IGF2BP2: variants seen among roughly 807,000 people sequenced by gnomAD.
The protein encoded by IGF2BP2 is insulin like growth factor 2 mRNA binding protein 2.
IGF2BP2 carries 17 observed loss-of-function variants against 75.8 expected under a neutral mutation model. The ratio of observed to expected loss-of-function variants is 0.22; its 90% CI spans 0.15 to 0.34. IGF2BP2 has a LOEUF of 0.34. Ranked by LOEUF, IGF2BP2 falls within the 10% of genes least tolerant of loss-of-function variation. IGF2BP2 has a pLI of 1.00. For synonymous variants in IGF2BP2, 288 were observed against 295.6 expected, an observed-to-expected ratio of 0.97 and a Z score of 0.26; for missense variants, 516 against 772.4, an observed-to-expected ratio of 0.67 and a Z score of 3.93.
At chr3:185,769,002 G>C (rs1328599219) in intron 2 of IGF2BP2, among the ~76,000 whole-genome samples, 1 of 151,306 alleles carries the variant, frequency 6.6e-6, no homozygotes, top group Non-Finnish European at 1.5e-5. Flanking sequence ...ACTCCAGCCT[G>C]GGCGACAGAG....
intron 10 of IGF2BP2, among the ~76,000 whole-genome samples, chr3:185,658,835 T>C (rs1715917243): frequency 6.6e-6 from 1 of 152,182 alleles, no homozygotes; most frequent in Non-Finnish European, 1.5e-5. Context: ...GAACAGAGTG[T>C]GCTGGACAAT....
Position 185,812,785 on chromosome 3 carries a change from G to A in IGF2BP2, c.239+10368C>T, listed in dbSNP as rs555841880. Among the ~76,000 whole-genome samples the A allele has an allele frequency of 5.3e-5, 8 of 152,220 alleles. No homozygotes were observed. In the East Asian group the frequency reaches 5.8e-4, roughly 11 times the overall value. ...GATTCCCATGTACGTACATCCATTC[G>A]TCCTTCCCATAAATTTGGCATCTCC... On this transcript the variant is annotated intron_variant, in intron 2 of 15. Coordinates refer to ENST00000382199, the MANE Select transcript of IGF2BP2 (RefSeq NM_006548.6).
intron 2 of IGF2BP2, among the ~76,000 whole-genome samples, chr3:185,734,542 T>C (rs1233300772): frequency 6.6e-6 from 1 of 152,236 alleles, no homozygotes; most frequent in African/African-American, 2.4e-5. Flanking sequence ...TTTTGCATTG[T>C]TAAAAACGAG....
In IGF2BP2 at chr3:185,645,288, G is replaced by T; in HGVS notation, c.*243C>A. ...GTGAAGTGGATGGCTGAAGCCTGCA[G>T]AAGCCCTGGGGGGCGGGAGGCGGGG... On this transcript the variant is annotated 3_prime_UTR_variant, in exon 16 of 16. Coordinates refer to ENST00000382199, the MANE Select transcript of IGF2BP2 (RefSeq NM_006548.6). This position sits in a 1 kb window ranked among gnomAD's most constrained non-coding sequence, Gnocchi z 4.9. The T allele has an allele frequency of 5.5e-6, 3 of 545,064 alleles. No homozygotes were observed. The allele number at this position is 545,064 out of a possible 1,614,324, so 33.8% of individuals were successfully genotyped here. A position where few individuals can be genotyped will look rare whatever the true frequency, so the allele number is the denominator to read the frequency against.
chr3:185,727,568 A>C (rs1159930761), intron 2 of IGF2BP2, among the ~76,000 whole-genome samples: 2 of 152,214 alleles, frequency 1.3e-5, no homozygotes, highest in African/African-American at 4.8e-5. Context: ...TTTTGTGAAA[A>C]AGACTTTACT....
chr3:185,729,375 C>A (rs1451417704), intron 2 of IGF2BP2, among the ~76,000 whole-genome samples: 1 of 152,152 alleles, frequency 6.6e-6, no homozygotes, highest in East Asian at 1.9e-4. Flanking sequence ...ATAAAGTCCG[C>A]CTGTCACTGC....
chr3:185,659,797 G>C (rs981922891), intron 10 of IGF2BP2, among the ~76,000 whole-genome samples: 2 of 150,844 alleles, frequency 1.3e-5, no homozygotes, highest in Non-Finnish European at 3.0e-5. Flanking sequence ...TGTCTGATTT[G>C]ATACTTTTTT....
At chr3:185,712,532 C>T (rs1724956905) in intron 2 of IGF2BP2, 1 of 152,084 alleles carries the variant, frequency 6.6e-6, no homozygotes, top group African/African-American at 2.4e-5. Flanking sequence ...GAATTTGAAT[C>T]CCAGCTCTAC....
intron 2 of IGF2BP2, among the ~76,000 whole-genome samples, chr3:185,699,652 T>C (rs1723033447): frequency 6.6e-6 from 1 of 152,228 alleles, no homozygotes. Flanking sequence ...TAGAGAAGTA[T>C]CTGCATATTC....
At chr3:185,722,881 A>T (rs1726773024) in intron 2 of IGF2BP2, among the ~76,000 whole-genome samples, 1 of 152,260 alleles carries the variant, frequency 6.6e-6, no homozygotes, top group Admixed American at 6.5e-5. Context: ...TTATGTAATT[A>T]TAATTGAGTT....
intron 7 of IGF2BP2, among the ~76,000 whole-genome samples, chr3:185,677,019 G>T: frequency 1.6e-5 from 1 of 63,208 alleles, no homozygotes; most frequent in Non-Finnish European, 2.9e-5. Flanking sequence ...TTATATATAT[G>T]GAGAGAGATA....
chr3:185,689,745 G>A lies in IGF2BP2; in HGVS notation c.405-118C>T, dbSNP rs1721671381. On this transcript the variant is annotated intron_variant, in intron 5 of 15. Transcript: ENST00000382199. Reference sequence around the variant, plus strand: ...GCACTTTGGGAGGCCGAGGCGGGTGGATCACGAGGTCAGGAGATCGAGACC... The same window carrying A: ...GCACTTTGGGAGGCCGAGGCGGGTGAATCACGAGGTCAGGAGATCGAGACC... 5 of 1,099,016 alleles carry A rather than the reference G, an allele frequency of 4.5e-6. No individual in the cohort carries two copies. The Admixed American group carries it at 7.8e-5, about 17-fold the overall frequency. The allele number at this position is 1,099,016 out of a possible 1,614,324, so 68.1% of individuals were successfully genotyped here.
intron 2 of IGF2BP2, among the ~76,000 whole-genome samples, chr3:185,730,683 C>G (rs757924995): frequency 6.6e-6 from 1 of 152,120 alleles, no homozygotes; most frequent in Non-Finnish European, 1.5e-5. Context: ...ATCTGCCCAC[C>G]TTGGCTTCCC....
At chr3:185,765,878 G>A (rs904038907) in intron 2 of IGF2BP2, among the ~76,000 whole-genome samples, 2 of 152,210 alleles carry the variant, frequency 1.3e-5, no homozygotes, top group African/African-American at 4.8e-5. Context: ...TTGTCCACAA[G>A]GCAGCAAAGC....
At chr3:185,685,393 G>C (rs1322600457) in intron 7 of IGF2BP2, among the ~76,000 whole-genome samples, 3 of 151,730 alleles carry the variant, frequency 2.0e-5, no homozygotes, top group African/African-American at 7.3e-5. Flanking sequence ...CCAGGAACTT[G>C]GATGAGAAAT....
At chr3:185,811,747 C>A (rs1240389149) in intron 2 of IGF2BP2, among the ~76,000 whole-genome samples, 1 of 151,802 alleles carries the variant, frequency 6.6e-6, no homozygotes, top group Admixed American at 6.6e-5. Context: ...GTGCAAAATA[C>A]GAAACCATGG....
intron 2 of IGF2BP2, among the ~76,000 whole-genome samples, chr3:185,816,336 A>C (rs1030245827): frequency 6.6e-6 from 1 of 152,238 alleles, no homozygotes; most frequent in African/African-American, 2.4e-5. Flanking sequence ...GCAAGCACAG[A>C]GATGGGAAGA....
chr3:185,686,770 T>C (rs1240479219), intron 7 of IGF2BP2, among the ~76,000 whole-genome samples: 4 of 152,154 alleles, frequency 2.6e-5, no homozygotes, highest in Non-Finnish European at 4.4e-5. Flanking sequence ...GAAAGTTCTA[T>C]TGGACAGCAT....
intron 7 of IGF2BP2, among the ~76,000 whole-genome samples, chr3:185,682,429 T>C (rs1415104084): frequency 6.6e-6 from 1 of 152,194 alleles, no homozygotes; most frequent in Non-Finnish European, 1.5e-5. Flanking sequence ...CACCAGATGC[T>C]GACATCACGC....
Sources: allele counts gnomAD v4.1 joint callset (sites outside exome capture counted in the v4.1 genomes callset), GRCh38; gene constraint gnomAD v4.1.1; non-coding constraint Gnocchi (gnomAD v3.1); transcripts MANE v1.5; gene names NCBI Gene and HGNC (gene_info 2026-07-23, HGNC 2026-07-21).